FBRS: variants seen among roughly 807,000 people sequenced by gnomAD.
The protein encoded by FBRS is fibrosin.
A neutral mutation model predicts 86.1 loss-of-function variants in FBRS; 15 were observed. The observed-to-expected ratio is 0.17, with a 90% CI of 0.12 to 0.27. The LOEUF (loss-of-function observed/expected upper bound fraction) is 0.27, where lower values mean the gene tolerates loss of function less well. FBRS is among the 10% of genes least tolerant of loss of function. The pLI, the probability that FBRS is intolerant of heterozygous loss-of-function variation, is 1.00. For missense variants in FBRS, 1,367 were observed against 1,301.6 expected, an observed-to-expected ratio of 1.05 and a Z score of -0.77; for synonymous variants, 666 against 575.8, an observed-to-expected ratio of 1.16 and a Z score of -2.24.
In FBRS at chr16:30,661,347, G is replaced by A. The variant is rs1236561474; in HGVS notation, c.705+14G>A. On this transcript the variant is annotated intron_variant, in intron 4 of 17. Transcript: ENST00000356166. ...CTGGACGAGAGGGTGAGTGGGGCTA[G>A]AGCTTGGGTGGGCAGTGTCACTGCT... 6.4e-7 allele frequency: 1 copy of A among 1,550,758 alleles called. No homozygotes were observed. Among genetic ancestry groups the A allele is most frequent in the Non-Finnish European group, 8.7e-7 (1 of 1,147,040 alleles).
rs2052585148 is a variant in FBRS, at chr16:30,670,596, G to A, written c.*951G>A. 1.1e-5 allele frequency: 2 copies of A among 182,248 alleles called. No homozygotes were observed. The highest frequency in any genetic ancestry group is 2.3e-5 in the Non-Finnish European group (2 of 85,370). The allele number at this position is 182,248 out of a possible 1,614,324, so 11.3% of individuals were successfully genotyped here. A position where few individuals can be genotyped will look rare whatever the true frequency, so the allele number is the denominator to read the frequency against. On this transcript the variant is annotated 3_prime_UTR_variant, in exon 18 of 18. Coordinates refer to ENST00000356166, the MANE Select transcript of FBRS (RefSeq NM_001105079.3). ...CATGTACCACACACCAAAGAAGGGG[G>A]TCGGCCCAGGGGTGGGCGACACAGG... is the stretch of plus-strand genomic sequence containing the variant.
chr16:30,666,465 A>C (rs752700200), intron 11 of FBRS, 47 bp from the exon 12 acceptor site: 1 of 1,613,590 alleles, frequency 6.2e-7, no homozygotes, highest in African/African-American at 1.3e-5. Flanking sequence ...CGCCTGGCCC[A>C]GGACTCGGGT....
rs775983237 is a variant in FBRS, at chr16:30,669,657, G to C, written c.*12G>C. ...GGGCTGACAGGTGAGGGGAACGGGG[G>C]GGGGTCGGGGCAAAGCTCCATCTCC... On this transcript the variant is annotated 3_prime_UTR_variant, in exon 18 of 18. Transcript: ENST00000356166. This position sits in a 1 kb window ranked among gnomAD's most constrained non-coding sequence, Gnocchi z 5.9. The C allele has an allele frequency of 4.7e-5, 75 of 1,579,966 alleles. 1 individual carries two copies. Among genetic ancestry groups the C allele is most frequent in the East Asian group, 4.5e-4 (20 of 44,586 alleles).
Position 30,670,092 on chromosome 16 carries a change from TTATC to T in FBRS, c.*448_*451del, listed in dbSNP as rs1480589714. 1.5e-5 allele frequency: 7 copies of T among 471,104 alleles called. No homozygotes were observed. The highest frequency in any genetic ancestry group is 1.3e-5 in the Non-Finnish European group (3 of 236,430). The allele number at this position is 471,104 out of a possible 1,614,324, so 29.2% of individuals were successfully genotyped here. A position where few individuals can be genotyped will look rare whatever the true frequency, so the allele number is the denominator to read the frequency against. On this transcript the variant is annotated 3_prime_UTR_variant, in exon 18 of 18. Transcript: ENST00000356166. ...AGGAAGGGGGGTTCCATGTACATAT[TTATC>T]ACCCCTTTCACATAGCCCCAAGACC... is the stretch of plus-strand genomic sequence containing the variant.
rs565301466 is a variant in FBRS at position 30,664,716 on chromosome 16, G to A, written c.1359G>A (p.Glu453=). The change falls in exon 8 of 18, where the codon GAG becomes GAA. Residue 453 remains glutamate, a splice_region_variant and synonymous_variant. Coordinates refer to ENST00000356166, the MANE Select transcript of FBRS (RefSeq NM_001105079.3). ...PGASAANALS[E]QDLIGQDLNS... is the part of the protein sequence containing the mutation. ...GCCTTCTCCCGTCCCCTCCCACAGA[G>A]CAGGACCTGATCGGCCAGGACCTGA... The A allele has an allele frequency of 1.1e-5, 17 of 1,533,850 alleles. No homozygotes were observed. Among genetic ancestry groups the A allele is most frequent in the Non-Finnish European group, 1.5e-5 (17 of 1,136,990 alleles).
intron 15 of FBRS, 90 bp from the exon 16 acceptor site, chr16:30,668,470 A>G: frequency 1.3e-5 from 15 of 1,164,104 alleles, no homozygotes; most frequent in Non-Finnish European, 1.9e-5. Flanking sequence ...TGAGGACTCC[A>G]GGCACCGGTC....
chr16:30,666,217 C>T, intron 11 of FBRS: 1 of 576,736 alleles, frequency 1.7e-6, no homozygotes, highest in Non-Finnish European at 3.1e-6. Flanking sequence ...GACCGCTATA[C>T]TCTAAAGTTG....
chr16:30,660,216 G>C, intron 1 of FBRS, 47 bp from the exon 2 acceptor site: 3 of 1,335,584 alleles, frequency 2.2e-6, no homozygotes, highest in Non-Finnish European at 2.9e-6. Context: ...GAGGGGTTGG[G>C]AGCTTGCCCT....
intron 2 of FBRS, chr16:30,660,678 C>T (rs956986245): frequency 2.4e-5 from 15 of 618,458 alleles, no homozygotes; most frequent in Non-Finnish European, 2.9e-5. Context: ...TTCAGAGAGG[C>T]GTCAAAGGAA....
Position 30,665,421 on chromosome 16 carries a change from A to T in FBRS, c.1704+20A>T. The T allele has an allele frequency of 6.4e-7, 1 of 1,553,462 alleles. No homozygotes were observed. The highest frequency in any genetic ancestry group is 8.7e-7 in the Non-Finnish European group (1 of 1,146,664). On this transcript the variant is annotated intron_variant, in intron 10 of 17. Coordinates refer to ENST00000356166, the MANE Select transcript of FBRS (RefSeq NM_001105079.3). The surrounding 1 kb of genome is among the most constrained non-coding windows in gnomAD (Gnocchi z 4.1). ...CCCAAGGTGAGCTCCCAATCCAGAC[A>T]CCACCACCGCCTACCATCTTGACAA...
At chr16:30,662,212 A>G (rs1054743378) in intron 4 of FBRS, 7 of 730,006 alleles carry the variant, frequency 9.6e-6, no homozygotes, top group Non-Finnish European at 1.5e-5. Flanking sequence ...CTCTTGGCCT[A>G]TCGGATTCTT....
At chr16:30,661,245 C>G in intron 3 of FBRS, 30 bp downstream of exon 3, 1 of 1,550,868 alleles carries the variant, frequency 6.4e-7, no homozygotes, top group Non-Finnish European at 8.7e-7. Context: ...CCTGGCCCCT[C>G]CCTGCTCCAC....
rs1433728630 is a variant in FBRS, at chr16:30,668,382, C to T, written c.2075-178C>T. 6.7e-6 allele frequency: 4 copies of T among 598,402 alleles called. No homozygotes were observed. In the Admixed American group the frequency reaches 8.7e-5, roughly 13 times the overall value. The allele number at this position is 598,402 out of a possible 1,614,324, so 37.1% of individuals were successfully genotyped here. A position where few individuals can be genotyped will look rare whatever the true frequency, so the allele number is the denominator to read the frequency against. ...CTCTTGGGCTTTTTGTGAGGTTAAC[C>T]GACAGGGTGCTTGTCAAAGCTCAAC... On this transcript the variant is annotated intron_variant, in intron 15 of 17. Transcript: ENST00000356166.
intron 4 of FBRS, 106 bp downstream of exon 4, chr16:30,661,439 A>T: frequency 6.5e-7 from 1 of 1,541,562 alleles, no homozygotes; most frequent in Non-Finnish European, 8.8e-7. Context: ...AGTGAGAAAC[A>T]TGGCTTAGGT....
intron 6 of FBRS, chr16:30,663,170 G>A (rs1233866354): frequency 1.7e-5 from 5 of 298,356 alleles, no homozygotes; most frequent in East Asian, 1.3e-4. Context: ...GGTTAAGAGC[G>A]CTGGCTTTGG....
chr16:30,666,948 G>A lies in FBRS; in HGVS notation c.1833G>A (p.Val611=). The part of the protein sequence containing the change: ...RKPGKWCAMH[V]RVAYMILRHQ... ...CAGGGAAGTGGTGTGCCATGCACGT[G>A]CGTGTGGCTTACATGATCCTGAGAC... The change falls in exon 13 of 18, where the codon GTG becomes GTA. Residue 611 remains valine (V), a synonymous_variant. Coordinates refer to ENST00000356166, the MANE Select transcript of FBRS (RefSeq NM_001105079.3). 1.2e-6 allele frequency: 2 copies of A among 1,612,814 alleles called. No individual in the cohort carries two copies. Among genetic ancestry groups the A allele is most frequent in the Non-Finnish European group, 1.7e-6 (2 of 1,179,462 alleles).
intron 15 of FBRS, chr16:30,668,323 T>G: frequency 1.9e-6 from 1 of 514,418 alleles, no homozygotes; most frequent in Non-Finnish European, 3.5e-6. Context: ...GCCTCTCTGT[T>G]TTATCATCTT....
Position 30,664,195 on chromosome 16 carries a change from C to T in FBRS, c.1056-20C>T. 7.5e-7 allele frequency: 1 copy of T among 1,327,638 alleles called. No homozygotes were observed. Among genetic ancestry groups the T allele is most frequent in the Non-Finnish European group, 9.7e-7 (1 of 1,026,362 alleles). The allele number at this position is 1,327,638 out of a possible 1,614,324, so 82.2% of individuals were successfully genotyped here. On this transcript the variant is annotated intron_variant, in intron 6 of 17. Coordinates refer to ENST00000356166, the MANE Select transcript of FBRS (RefSeq NM_001105079.3). The stretch of plus-strand genomic sequence containing the variant: ...TGGCACCTCCCAACCCCTCACTCAT[C>T]TCCCCACTTCTCTCCCCAGCTCTTC...
Position 30,661,350 on chromosome 16 carries a change from C to G in FBRS, c.705+17C>G. Reference sequence around the variant, plus strand: ...GACGAGAGGGTGAGTGGGGCTAGAGCTTGGGTGGGCAGTGTCACTGCTTGT... The same window carrying G: ...GACGAGAGGGTGAGTGGGGCTAGAGGTTGGGTGGGCAGTGTCACTGCTTGT... On this transcript the variant is annotated intron_variant, in intron 4 of 17. Coordinates refer to ENST00000356166, the MANE Select transcript of FBRS (RefSeq NM_001105079.3). 6 of 1,550,686 alleles carry G rather than the reference C, an allele frequency of 3.9e-6. No individual in the cohort carries two copies. The highest frequency in any genetic ancestry group is 5.2e-6 in the Non-Finnish European group (6 of 1,147,018).
Sources: allele counts gnomAD v4.1 joint callset, GRCh38; gene constraint gnomAD v4.1.1; non-coding constraint Gnocchi (gnomAD v3.1); transcripts MANE v1.5; gene names NCBI Gene and HGNC (gene_info 2026-07-23, HGNC 2026-07-21).